RAB38: variants seen among roughly 807,000 people sequenced by gnomAD.
The protein encoded by RAB38 is ras-related protein Rab-38.
RAB38 carries 15 observed loss-of-function variants against 18.4 expected under a neutral mutation model. That is an observed-to-expected ratio of 0.82 (90% CI 0.55 to 1.26). The LOEUF (loss-of-function observed/expected upper bound fraction) is 1.26. Among genes scored for constraint, RAB38 ranks in the 50% most tolerant of loss-of-function variants. The pLI, the probability that RAB38 is intolerant of heterozygous loss-of-function variation, is 0.00. For synonymous variants in RAB38, 101 were observed against 104.4 expected (o/e 0.97, Z 0.20); for missense variants, 294 against 267.4 (o/e 1.10, Z -0.69).
the RAB38 span, among the ~76,000 whole-genome samples, chr11:88,056,817 A>T: frequency 0.029 from 3,092 of 105,992 alleles, 102 homozygotes; most frequent in African/African-American, 0.081. Flanking sequence ...AAATAAATAA[A>T]TAAATAAATA....
the RAB38 span, among the ~76,000 whole-genome samples, chr11:88,033,759 G>T: frequency 0.044 from 5,154 of 118,428 alleles, 121 homozygotes; most frequent in Middle Eastern, 0.12. Flanking sequence ...ATGGAGTCTC[G>T]CTCTGTCGCC....
chr11:87,964,575 T>C, the RAB38 span, among the ~76,000 whole-genome samples: 4 of 152,110 alleles, frequency 2.6e-5, no homozygotes, highest in South Asian at 2.1e-4. Context: ...TAGGTATAAA[T>C]AGACGATGGG....
chr11:88,104,496 A>C, the RAB38 span, among the ~76,000 whole-genome samples: 1 of 152,112 alleles, frequency 6.6e-6, no homozygotes, highest in African/African-American at 2.4e-5. Flanking sequence ...GAGTTTGACT[A>C]CTGGCTCAGT....
chr11:88,124,130 A>C (rs1183502713), intron 2 of RAB38, among the ~76,000 whole-genome samples: 1 of 152,224 alleles, frequency 6.6e-6, no homozygotes, highest in Non-Finnish European at 1.5e-5. Flanking sequence ...GTGTTGATAA[A>C]GCTAAATAAA....
At chr11:87,840,092 C>G in the RAB38 span, among the ~76,000 whole-genome samples, 2 of 152,042 alleles carry the variant, frequency 1.3e-5, no homozygotes, top group African/African-American at 4.8e-5. Flanking sequence ...AAAGAAGGCT[C>G]TATTTGTGGC....
At chr11:88,068,732 G>T in the RAB38 span, among the ~76,000 whole-genome samples, 1 of 152,212 alleles carries the variant, frequency 6.6e-6, no homozygotes, top group African/African-American at 2.4e-5. Flanking sequence ...TGCTGTTTGT[G>T]CAAGAGAATT....
chr11:87,905,903 T>C, the RAB38 span, among the ~76,000 whole-genome samples: 4 of 151,944 alleles, frequency 2.6e-5, no homozygotes, highest in Non-Finnish European at 4.4e-5. Context: ...TCCAGTCCCT[T>C]ACATTATGTC....
chr11:87,803,909 A>G, the RAB38 span, among the ~76,000 whole-genome samples: 1 of 152,236 alleles, frequency 6.6e-6, no homozygotes, highest in Non-Finnish European at 1.5e-5. Context: ...TCTGTGGCCC[A>G]TGCCCTGCCC....
At chr11:88,014,410 A>G in the RAB38 span, among the ~76,000 whole-genome samples, 2 of 152,120 alleles carry the variant, frequency 1.3e-5, no homozygotes, top group Non-Finnish European at 2.9e-5. Flanking sequence ...TTGTTTTACA[A>G]TACAACAAGG....
the RAB38 span, among the ~76,000 whole-genome samples, chr11:87,977,804 A>T: frequency 9.2e-6 from 1 of 109,062 alleles, no homozygotes; most frequent in African/African-American, 3.6e-5. Context: ...TATATTATAG[A>T]GTTATATATT....
the RAB38 span, among the ~76,000 whole-genome samples, chr11:88,087,854 G>C: frequency 6.6e-6 from 1 of 151,968 alleles, no homozygotes; most frequent in South Asian, 2.1e-4. Flanking sequence ...ACTTTATCCT[G>C]TCTGGACCAG....
the RAB38 span, among the ~76,000 whole-genome samples, chr11:87,834,409 T>C: frequency 6.6e-6 from 1 of 152,296 alleles, no homozygotes; most frequent in South Asian, 2.1e-4. Flanking sequence ...CCTTCAAAAC[T>C]GGGAGGTAAT....
chr11:87,807,420 A>G, the RAB38 span, among the ~76,000 whole-genome samples: 1 of 152,190 alleles, frequency 6.6e-6, no homozygotes, highest in South Asian at 2.1e-4. Flanking sequence ...TGACAGGCCT[A>G]TGGCTTTGTT....
chr11:87,922,814 G>A, the RAB38 span, among the ~76,000 whole-genome samples: 2 of 151,234 alleles, frequency 1.3e-5, no homozygotes, highest in Admixed American at 1.3e-4. Context: ...GCAAGAGTAA[G>A]GGAAAAGGGA....
At chr11:88,140,720 C>T (rs10501659) in intron 2 of RAB38, among the ~76,000 whole-genome samples, 36,148 of 151,882 alleles carry the variant, frequency 0.24, 4,441 homozygotes, top group Non-Finnish European at 0.28. Flanking sequence ...TTAACACAAC[C>T]ATGGAATAAA....
downstream of RAB38, among the ~76,000 whole-genome samples, chr11:88,108,603 C>G (rs1942432075): frequency 1.3e-5 from 2 of 152,126 alleles, no homozygotes; most frequent in Non-Finnish European, 2.9e-5. Flanking sequence ...TCCAATTTGC[C>G]AGTTTGTGAC....
chr11:88,089,372 G>T, the RAB38 span, among the ~76,000 whole-genome samples: 1 of 150,570 alleles, frequency 6.6e-6, no homozygotes, highest in Non-Finnish European at 1.5e-5. Context: ...TGGCTCATAG[G>T]AGTCTGAGGT....
At chr11:87,865,791 T>C in the RAB38 span, among the ~76,000 whole-genome samples, 15 of 151,754 alleles carry the variant, frequency 9.9e-5, no homozygotes, top group East Asian at 2.5e-3. Flanking sequence ...AGGGTAAATA[T>C]ATGACAGAAA....
At chr11:88,030,848 A>G in the RAB38 span, among the ~76,000 whole-genome samples, 1 of 152,084 alleles carries the variant, frequency 6.6e-6, no homozygotes, top group South Asian at 2.1e-4. Flanking sequence ...AATCAATAGA[A>G]AAAGAGGGAA....
Sources: allele counts gnomAD v4.1 joint callset (sites outside exome capture counted in the v4.1 genomes callset), GRCh38; gene constraint gnomAD v4.1.1; transcripts MANE v1.5; gene names NCBI Gene and HGNC (gene_info 2026-07-23, HGNC 2026-07-21).